Variants in SLC3A1 observed in about 807,000 individuals in gnomAD.
SLC3A1 encodes solute carrier family 3 member 1.
Under a neutral mutation model 60.3 loss-of-function variants are expected in SLC3A1, and 78 were observed. That is an observed-to-expected ratio of 1.29 (90% CI 1.08 to 1.56). The LOEUF is 1.56. Ranked by LOEUF, SLC3A1 falls within the 40% of genes most tolerant of loss-of-function variation. The probability of loss-of-function intolerance (pLI) is 0.00; values close to 1 mark genes in which losing one functional copy is unlikely to be tolerated. For synonymous variants in SLC3A1, 392 were observed against 307.9 expected (o/e 1.27, Z -2.86); for missense variants, 1,172 against 858.9 (o/e 1.36, Z -4.56).
intron 4 of SLC3A1, among the ~76,000 whole-genome samples, chr2:44,297,420 C>G (rs1558460642): frequency 1.3e-5 from 2 of 152,142 alleles, no homozygotes; most frequent in African/African-American, 4.8e-5. Context: ...TCATGTTGTC[C>G]CATTCCCACC....
chr2:44,320,337 C>G lies in SLC3A1; in HGVS notation c.1756C>G (p.Leu586Val). 1 of 1,614,128 alleles carries G rather than the reference C, an allele frequency of 6.2e-7. No homozygotes were observed. The highest frequency in any genetic ancestry group is 1.3e-5 in the African/African-American group (1 of 75,042). ...CCACTATGTTGTGTACACAAGAGAG[C>G]TGGATGGCATCGACAGAATCTTTAT... ...DSHYVVYTRELDGIDRIFIVV... is the reference protein window; with the variant it reads ...DSHYVVYTREVDGIDRIFIVV... Residue 586 changes from leucine to valine, a missense_variant, in exon 10 of 10, where the codon CTG (leucine) becomes GTG (valine). Coordinates refer to ENST00000260649, the MANE Select transcript of SLC3A1 (RefSeq NM_000341.4).
chr2:44,315,023 C>T (rs1486736625), intron 9 of SLC3A1: 2 of 148,482 alleles, frequency 1.3e-5, no homozygotes, highest in East Asian at 4.0e-4. Context: ...CCTCCATCTC[C>T]TGGGTTCAAG....
intron 6 of SLC3A1, chr2:44,303,768 C>G (rs1672078928): frequency 2.5e-6 from 1 of 393,432 alleles, no homozygotes. Flanking sequence ...GTGTGATGTT[C>G]CCTGCCCTGT....
In SLC3A1 at chr2:44,275,860, G is replaced by A; in HGVS notation, c.325G>A (p.Ala109Thr). ...CATCGCGGCCACCATAGCCATCATT[G>A]CCCTCTCTCCAAAGTGCCTAGACTG... is the stretch of plus-strand genomic sequence containing the variant. ...VLIAATIAII[A>T]LSPKCLDWWQ... is the part of the protein sequence containing the mutation. Residue 109 changes from alanine (A) to threonine (T), a missense_variant, in exon 1 of 10, where the codon GCC (alanine) becomes ACC (threonine). Physicochemically the swap from Ala to Thr is moderately conservative, Grantham distance 58. Coordinates refer to ENST00000260649, the MANE Select transcript of SLC3A1 (RefSeq NM_000341.4). The A allele has an allele frequency of 6.2e-7, 1 of 1,614,196 alleles. No individual in the cohort carries two copies. Among genetic ancestry groups the A allele is most frequent in the African/African-American group, 1.3e-5 (1 of 75,056 alleles).
Position 44,320,873 on chromosome 2 carries a change from G to T in SLC3A1, c.*234G>T. ...CTTTATTCAGATAGCATCAATCAGG[G>T]ATGACCAGAACACATTAGGACCCCA... On this transcript the variant is annotated 3_prime_UTR_variant, in exon 10 of 10. Transcript: ENST00000260649. 1 of 546,584 alleles carries T rather than the reference G, an allele frequency of 1.8e-6. No individual in the cohort carries two copies. The highest frequency in any genetic ancestry group is 3.2e-5 in the East Asian group (1 of 31,184). The allele number at this position is 546,584 out of a possible 1,614,324, so 33.9% of individuals were successfully genotyped here. A position where few individuals can be genotyped will look rare whatever the true frequency, so the allele number is the denominator to read the frequency against.
intron 7 of SLC3A1, among the ~76,000 whole-genome samples, chr2:44,304,725 G>A (rs1672108796): frequency 6.6e-6 from 1 of 152,046 alleles, no homozygotes; most frequent in Non-Finnish European, 1.5e-5. Context: ...CCAATTTGTG[G>A]GGCAGGATGC....
intron 4 of SLC3A1, among the ~76,000 whole-genome samples, chr2:44,286,967 G>T (rs1184942482): frequency 1.3e-4 from 20 of 152,188 alleles, no homozygotes; most frequent in Admixed American, 1.1e-3. Context: ...TCTCATCTAT[G>T]AAACACAGTT....
intron 5 of SLC3A1, among the ~76,000 whole-genome samples, chr2:44,300,426 G>A (rs1191913854): frequency 6.6e-6 from 1 of 152,152 alleles, no homozygotes; most frequent in Non-Finnish European, 1.5e-5. Context: ...CAAGTGAGGA[G>A]GCCTTGGCTT....
At chr2:44,288,021 T>G (rs1671656964) in intron 4 of SLC3A1, among the ~76,000 whole-genome samples, 1 of 151,976 alleles carries the variant, frequency 6.6e-6, no homozygotes, top group African/African-American at 2.4e-5. Context: ...CAATCACTAC[T>G]AATTTCTGAA....
chr2:44,302,938 C>T (rs1439349053), intron 6 of SLC3A1, among the ~76,000 whole-genome samples: 8 of 152,056 alleles, frequency 5.3e-5, no homozygotes, highest in African/African-American at 9.7e-5. Context: ...GTGGCTCATG[C>T]CTGTAATCCC....
At chr2:44,294,667 T>C (rs2104354463) in intron 4 of SLC3A1, among the ~76,000 whole-genome samples, 2 of 152,306 alleles carry the variant, frequency 1.3e-5, no homozygotes, top group Middle Eastern at 6.8e-3. Flanking sequence ...AGCTGGGTTG[T>C]ACCCAGAGGG....
chr2:44,304,382 C>A, intron 7 of SLC3A1, 44 bp downstream of exon 7: 1 of 1,447,840 alleles, frequency 6.9e-7, no homozygotes, highest in East Asian at 2.3e-5. Context: ...CTGCTGTTGC[C>A]TTTGCTGTCC....
chr2:44,290,261 G>T (rs889925536), intron 4 of SLC3A1, among the ~76,000 whole-genome samples: 5 of 151,994 alleles, frequency 3.3e-5, no homozygotes, highest in African/African-American at 1.2e-4. Flanking sequence ...TTTATTTCTG[G>T]ACTCTCAGTT....
intron 1 of SLC3A1, among the ~76,000 whole-genome samples, chr2:44,277,103 C>CTTCTTTTTTTTTTTT (rs1465413757): frequency 7.4e-5 from 7 of 94,838 alleles, no homozygotes; most frequent in Non-Finnish European, 1.1e-4. Context: ...TCTCTCTCTT[C>CTTCTTTTTTTTTTTT]TTTTTTTTTT....
intron 4 of SLC3A1, among the ~76,000 whole-genome samples, chr2:44,297,429 C>A (rs890983782): frequency 1.3e-5 from 2 of 152,172 alleles, no homozygotes; most frequent in African/African-American, 4.8e-5. Context: ...CCCATTCCCA[C>A]CCTCCATTGA....
intron 7 of SLC3A1, among the ~76,000 whole-genome samples, chr2:44,305,162 T>C (rs971460133): frequency 2.6e-5 from 4 of 152,058 alleles, no homozygotes; most frequent in African/African-American, 9.7e-5. Flanking sequence ...TGGCAATACA[T>C]TACTTCAGTG....
intron 2 of SLC3A1, among the ~76,000 whole-genome samples, chr2:44,281,135 C>T (rs1429575659): frequency 6.9e-6 from 1 of 145,426 alleles, no homozygotes; most frequent in Non-Finnish European, 1.5e-5. Flanking sequence ...TTCCCCTCCC[C>T]TCCCCTCCCC....
At chr2:44,322,185 A>G (rs116790615), downstream of SLC3A1, among the ~76,000 whole-genome samples, 510 of 152,242 alleles carry the variant, frequency 3.3e-3, 3 homozygotes, top group African/African-American at 0.012. Context: ...GGAATCTGAG[A>G]GTCTTATGCC....
chr2:44,307,739 G>C (rs1193051893), intron 7 of SLC3A1, among the ~76,000 whole-genome samples: 1 of 152,086 alleles, frequency 6.6e-6, no homozygotes, highest in African/African-American at 2.4e-5. Flanking sequence ...ATATATACTG[G>C]ATAGGTGATT....
Sources: allele counts gnomAD v4.1 joint callset (sites outside exome capture counted in the v4.1 genomes callset), GRCh38; gene constraint gnomAD v4.1.1; transcripts MANE v1.5; gene names NCBI Gene and HGNC (gene_info 2026-07-23, HGNC 2026-07-21).